EPHB1: variants seen among roughly 807,000 people sequenced by gnomAD.
The protein encoded by EPHB1 is EPH receptor B1, also known as ephrin type-B receptor 1.
In EPHB1, 30 loss-of-function variants were observed where a neutral mutation model predicts 94.4. The ratio of observed to expected loss-of-function variants is 0.32; its 90% confidence interval spans 0.24 to 0.43. The LOEUF (loss-of-function observed/expected upper bound fraction) is 0.43, where lower values mean the gene tolerates loss of function less well. EPHB1 is among the 20% of genes least tolerant of loss of function. The pLI, the probability that EPHB1 is intolerant of heterozygous loss-of-function variation, is 1.00. For synonymous variants in EPHB1, 522 were observed against 489.1 expected (o/e 1.07, Z -0.89); for missense variants, 1,055 against 1,308.3 (o/e 0.81, Z 2.99).
intron 3 of EPHB1, among the ~76,000 whole-genome samples, chr3:134,964,277 G>A (rs1262971759): frequency 1.3e-5 from 2 of 152,238 alleles, no homozygotes; most frequent in Non-Finnish European, 2.9e-5. Flanking sequence ...GGCAGAACCA[G>A]ATGGAGGCAG....
At chr3:134,854,057 A>G (rs1213182040) in intron 1 of EPHB1, among the ~76,000 whole-genome samples, 3 of 152,176 alleles carry the variant, frequency 2.0e-5, no homozygotes, top group African/African-American at 7.2e-5. Flanking sequence ...CAAGGCTCCA[A>G]TGCCAAAATA....
intron 2 of EPHB1, among the ~76,000 whole-genome samples, chr3:134,944,959 C>T (rs559255316): frequency 2.6e-5 from 4 of 152,278 alleles, no homozygotes; most frequent in African/African-American, 9.6e-5. Context: ...TTTGACATCC[C>T]CCAAAAAGTA....
At chr3:134,814,335 G>C (rs975404556) in intron 1 of EPHB1, among the ~76,000 whole-genome samples, 14 of 152,180 alleles carry the variant, frequency 9.2e-5, no homozygotes, top group Non-Finnish European at 1.8e-4. Flanking sequence ...GGAGAGTGAT[G>C]AGGATGCATA....
intron 1 of EPHB1, among the ~76,000 whole-genome samples, chr3:134,879,097 G>A (rs1201576499): frequency 6.6e-6 from 1 of 152,164 alleles, no homozygotes; most frequent in Admixed American, 6.5e-5. Context: ...CACTAGTGGT[G>A]CCTGACTCCC....
At chr3:135,157,760 A>T (rs571059215) in intron 6 of EPHB1, among the ~76,000 whole-genome samples, 13 of 152,368 alleles carry the variant, frequency 8.5e-5, no homozygotes, top group Non-Finnish European at 1.8e-4. Context: ...ATGTTAGCCC[A>T]TGAGGGCCTT....
At chr3:135,162,294 G>T in intron 7 of EPHB1, 114 bp downstream of exon 7, 1 of 1,249,606 alleles carries the variant, frequency 8.0e-7, no homozygotes. Flanking sequence ...GATTCCAGTG[G>T]AATTCCCTTC....
At chr3:134,817,647 G>C (rs1209076829) in intron 1 of EPHB1, among the ~76,000 whole-genome samples, 1 of 152,232 alleles carries the variant, frequency 6.6e-6, no homozygotes, top group Non-Finnish European at 1.5e-5. Flanking sequence ...CCTGTCCATT[G>C]GGGATGATGT....
At position 134,951,414 on chromosome 3, in the gene EPHB1, G is replaced by T. The variant is rs1933024328; in HGVS notation, c.167G>T (p.Arg56Leu). The change falls in exon 3 of 16, where the codon CGC becomes CTC. Residue 56 changes from arginine to leucine, a missense_variant. By Grantham distance (102) the Arg-to-Leu change is moderately radical (BLOSUM62 -2). Coordinates refer to ENST00000398015, the MANE Select transcript of EPHB1 (RefSeq NM_004441.5). The surrounding 1 kb of genome is among the most constrained non-coding windows in gnomAD (Gnocchi z 4.5). ...TACGATGAAAACCTGAACACCATCC[G>T]CACCTACCAGGTGTGCAATGTCTTC... ...SGYDENLNTI[R>L]TYQVCNVFEP... 5.6e-6 allele frequency: 9 copies of T among 1,597,806 alleles called. No homozygotes were observed. Among genetic ancestry groups the T allele is most frequent in the South Asian group, 1.1e-5 (1 of 87,982 alleles).
chr3:135,154,410 C>T (rs1178364739), intron 6 of EPHB1, 134 bp downstream of exon 6: 1 of 1,289,774 alleles, frequency 7.8e-7, no homozygotes, highest in Non-Finnish European at 1.1e-6. Flanking sequence ...CAGAAGGTCC[C>T]TGGGAGAGTT....
intron 1 of EPHB1, among the ~76,000 whole-genome samples, chr3:134,899,868 G>A (rs1338849597): frequency 6.6e-6 from 1 of 152,190 alleles, no homozygotes; most frequent in Non-Finnish European, 1.5e-5. Context: ...GGCTTTCCAG[G>A]TGGGGGCACA....
At chr3:135,038,831 G>A (rs1436724845) in intron 3 of EPHB1, among the ~76,000 whole-genome samples, 2 of 152,128 alleles carry the variant, frequency 1.3e-5, no homozygotes, top group Non-Finnish European at 2.9e-5. Context: ...AGCTTCCACA[G>A]TGTGGAAGGG....
chr3:134,825,671 AATAGGTTTGG>A, intron 1 of EPHB1, among the ~76,000 whole-genome samples: 1 of 152,190 alleles, frequency 6.6e-6, no homozygotes, highest in African/African-American at 2.4e-5. Context: ...AAGGAAAGGG[AATAGGTTTGG>A]TGGGGCTTGT....
chr3:134,954,994 G>A (rs900565000), intron 3 of EPHB1, among the ~76,000 whole-genome samples: 27 of 149,000 alleles, frequency 1.8e-4, no homozygotes, highest in African/African-American at 3.9e-4. Flanking sequence ...GAGAACTTGC[G>A]CATTAGGATG....
At chr3:135,141,968 T>C (rs1419052590) in intron 5 of EPHB1, among the ~76,000 whole-genome samples, 6 of 152,166 alleles carry the variant, frequency 3.9e-5, no homozygotes, top group Non-Finnish European at 8.8e-5. Flanking sequence ...GAGAGTATAG[T>C]TTGCGAGTAC....
chr3:135,019,821 A>G (rs1190396933), intron 3 of EPHB1, among the ~76,000 whole-genome samples: 1 of 152,232 alleles, frequency 6.6e-6, no homozygotes, highest in Non-Finnish European at 1.5e-5. Context: ...TGTGAATATT[A>G]AAAATATCCA....
At chr3:134,989,777 T>C (rs1478809850) in intron 3 of EPHB1, among the ~76,000 whole-genome samples, 2 of 152,210 alleles carry the variant, frequency 1.3e-5, no homozygotes, top group Admixed American at 1.3e-4. Flanking sequence ...CACCACAAGA[T>C]ATACTCTTTC....
intron 1 of EPHB1, among the ~76,000 whole-genome samples, chr3:134,857,076 G>A (rs1028030677): frequency 1.3e-5 from 2 of 152,194 alleles, no homozygotes; most frequent in African/African-American, 4.8e-5. Flanking sequence ...ACTGGGGTGG[G>A]GTGTCGTGGA....
At chr3:134,817,904 G>A (rs771534034) in intron 1 of EPHB1, among the ~76,000 whole-genome samples, 8 of 152,178 alleles carry the variant, frequency 5.3e-5, no homozygotes, top group Admixed American at 1.3e-4. Flanking sequence ...AATGACTGGC[G>A]GTCGGGAGAA....
At chr3:135,022,874 A>G (rs991234372) in intron 3 of EPHB1, among the ~76,000 whole-genome samples, 52 of 152,272 alleles carry the variant, frequency 3.4e-4, no homozygotes, top group African/African-American at 1.2e-3. Flanking sequence ...TGTGTTTTCA[A>G]GTATTATGTT....
Sources: gnomAD v4.1 joint callset for allele counts (sites outside exome capture counted in the v4.1 genomes callset) on GRCh38, gnomAD v4.1.1 for gene constraint, Gnocchi (gnomAD v3.1) non-coding constraint, MANE v1.5 for transcripts, NCBI Gene and HGNC (gene_info 2026-07-23, HGNC 2026-07-21) for gene names.